Variants in ELOVL6 observed in about 807,000 individuals in gnomAD.
ELOVL6 encodes the protein very long chain fatty acid elongase 6.
In ELOVL6, 8 loss-of-function variants were observed where a neutral mutation model predicts 31.7. The observed-to-expected ratio is 0.25, with a 90% confidence interval of 0.15 to 0.45. The LOEUF is 0.45. ELOVL6 is among the 20% of genes least tolerant of loss of function. ELOVL6 has a pLI of 1.00. For synonymous variants in ELOVL6, 101 were observed against 117.7 expected, an observed-to-expected ratio of 0.86 and a Z score of 0.92; for missense variants, 126 against 326.4, an observed-to-expected ratio of 0.39 and a Z score of 4.73.
At chr4:110,139,065 T>C (rs1489941352) in intron 1 of ELOVL6, among the ~76,000 whole-genome samples, 2 of 152,184 alleles carry the variant, frequency 1.3e-5, no homozygotes, top group Non-Finnish European at 2.9e-5. Flanking sequence ...TTGAAGATTG[T>C]GGCAACTTTC....
intron 1 of ELOVL6, among the ~76,000 whole-genome samples, chr4:110,191,791 C>CA (rs755418700): frequency 1.2e-4 from 18 of 150,342 alleles, no homozygotes; most frequent in Non-Finnish European, 1.6e-4. Context: ...AGACCAGGCT[C>CA]AAAAAAAAGA....
At chr4:110,169,783 T>C (rs1560855142) in intron 1 of ELOVL6, among the ~76,000 whole-genome samples, 2 of 151,380 alleles carry the variant, frequency 1.3e-5, no homozygotes, top group Non-Finnish European at 1.5e-5. Flanking sequence ...ATTCATTTTA[T>C]ATTTAGTTTT....
chr4:110,114,395 A>G (rs982097021), intron 1 of ELOVL6, among the ~76,000 whole-genome samples: 2 of 152,008 alleles, frequency 1.3e-5, no homozygotes, highest in African/African-American at 4.8e-5. Flanking sequence ...GACCCTAGAC[A>G]TATAGAATCT....
chr4:110,139,195 C>T (rs1757888105), intron 1 of ELOVL6, among the ~76,000 whole-genome samples: 1 of 151,826 alleles, frequency 6.6e-6, no homozygotes, highest in South Asian at 2.1e-4. Flanking sequence ...TCTATGAAAG[C>T]CTAATAAGAA....
rs1754718994 is a variant in ELOVL6, at chr4:110,047,301, C to T, written c.*4037G>A. 1 of 147,756 alleles carries T rather than the reference C, an allele frequency of 6.8e-6. No individual in the cohort carries two copies. Among genetic ancestry groups the T allele is most frequent in the South Asian group, 2.1e-4 (1 of 4,698 alleles). 9.2% of individuals were successfully genotyped at this position (147,756 alleles called of 1,614,324 possible). A position where few individuals can be genotyped will look rare whatever the true frequency, so the allele number is the denominator to read the frequency against. ...ACAGCCTCTTGAATCAGACCTTGGC[C>T]AATCCAGTTACTCTGTTAAAGAATC... On this transcript the variant is annotated 3_prime_UTR_variant, in exon 4 of 4. Coordinates refer to ENST00000302274, the MANE Select transcript of ELOVL6 (RefSeq NM_024090.3).
At chr4:110,192,775 T>C (rs963213142) in intron 1 of ELOVL6, among the ~76,000 whole-genome samples, 1 of 152,246 alleles carries the variant, frequency 6.6e-6, no homozygotes, top group Admixed American at 6.5e-5. Context: ...TTTCTCATTC[T>C]TCTCACTCTT....
At chr4:110,083,680 C>T (rs1755956419) in intron 2 of ELOVL6, among the ~76,000 whole-genome samples, 1 of 151,350 alleles carries the variant, frequency 6.6e-6, no homozygotes, top group African/African-American at 2.4e-5. Flanking sequence ...GTAATTACTA[C>T]ATTAATATAA....
At chr4:110,185,524 T>A (rs964087864) in intron 1 of ELOVL6, among the ~76,000 whole-genome samples, 1 of 152,242 alleles carries the variant, frequency 6.6e-6, no homozygotes, top group Non-Finnish European at 1.5e-5. Flanking sequence ...TAATACTTAA[T>A]TGTTCAAACC....
intron 1 of ELOVL6, among the ~76,000 whole-genome samples, chr4:110,186,384 C>T (rs1759441258): frequency 6.6e-6 from 1 of 152,030 alleles, no homozygotes; most frequent in Non-Finnish European, 1.5e-5. Flanking sequence ...CCCCACACAA[C>T]GTAAAAATAA....
intron 1 of ELOVL6, among the ~76,000 whole-genome samples, chr4:110,197,076 C>G (rs1396910507): frequency 1.3e-5 from 2 of 152,310 alleles, no homozygotes; most frequent in South Asian, 4.1e-4. Context: ...GGCGGGAGGG[C>G]GCGGGGCACG....
intron 1 of ELOVL6, among the ~76,000 whole-genome samples, chr4:110,188,444 C>T (rs1252795770): frequency 6.6e-6 from 1 of 152,108 alleles, no homozygotes; most frequent in African/African-American, 2.4e-5. Context: ...ACACACCCCT[C>T]ATCATCACAC....
chr4:110,197,167 C>T (rs1055899857), intron 1 of ELOVL6, among the ~76,000 whole-genome samples: 1 of 152,224 alleles, frequency 6.6e-6, no homozygotes, highest in African/African-American at 2.4e-5. Flanking sequence ...AAGCCATCCC[C>T]CGGGCTGCCG....
chr4:110,101,143 G>A (rs957463110), intron 2 of ELOVL6, among the ~76,000 whole-genome samples: 3 of 152,122 alleles, frequency 2.0e-5, no homozygotes, highest in Non-Finnish European at 2.9e-5. Context: ...GGGTTCAAAC[G>A]ATTATCCTGC....
chr4:110,084,327 A>ATC lies in ELOVL6; in HGVS notation c.221+21169_221+21170insGA, dbSNP rs1435591185. Among the ~76,000 whole-genome samples the ATC allele has an allele frequency of 3.0e-4, 19 of 62,352 alleles. 1 individual carries two copies. The highest frequency in any genetic ancestry group is 2.7e-3 in the Admixed American group (16 of 5,826). The allele number at this position is 62,352 out of a possible 152,430, so 40.9% of individuals were successfully genotyped here. On this transcript the variant is annotated intron_variant, in intron 2 of 3. Transcript: ENST00000302274. ...ATAACATATAACATATATAAATTTG[A>ATC]TATATATCACATATATGATATATGA...
intron 2 of ELOVL6, among the ~76,000 whole-genome samples, chr4:110,076,601 G>A (rs182214429): frequency 3.0e-4 from 45 of 152,306 alleles, no homozygotes; most frequent in African/African-American, 8.2e-4. Context: ...GTCACCTAGC[G>A]AGGTGGAGCC....
chr4:110,091,207 G>T (rs55949732), intron 2 of ELOVL6, among the ~76,000 whole-genome samples: 6 of 151,952 alleles, frequency 3.9e-5, no homozygotes, highest in African/African-American at 1.2e-4. Flanking sequence ...CTATTCTAGA[G>T]GTGTCAATTA....
intron 1 of ELOVL6, among the ~76,000 whole-genome samples, chr4:110,107,025 G>A (rs1054059996): frequency 6.6e-6 from 1 of 152,142 alleles, no homozygotes; most frequent in African/African-American, 2.4e-5. Context: ...ATAAGGAAAG[G>A]GTTGAGAAAT....
intron 1 of ELOVL6, among the ~76,000 whole-genome samples, chr4:110,191,869 CT>C (rs1295847667): frequency 6.6e-6 from 1 of 152,068 alleles, no homozygotes; most frequent in Non-Finnish European, 1.5e-5. Context: ...CTCCGTCCCC[CT>C]CATAACTCTT....
At chr4:110,197,253 G>A (rs570950388) in intron 1 of ELOVL6, among the ~76,000 whole-genome samples, 150 of 152,370 alleles carry the variant, frequency 9.8e-4, no homozygotes, top group African/African-American at 3.5e-3. Flanking sequence ...GGGAGGAGAG[G>A]AATGCCTCTG....
Sources: allele counts gnomAD v4.1 joint callset (sites outside exome capture counted in the v4.1 genomes callset), GRCh38; gene constraint gnomAD v4.1.1; transcripts MANE v1.5; gene names NCBI Gene and HGNC (gene_info 2026-07-23, HGNC 2026-07-21).